The following RBFOX1 variants were observed in gnomAD, a reference collection of about 807,000 sequenced individuals.
RBFOX1 encodes the protein RNA binding fox-1 homolog 1.
In RBFOX1, 8 loss-of-function variants were observed where a neutral mutation model predicts 57.7. That is an observed-to-expected ratio of 0.14 (90% confidence interval 0.08 to 0.25). The LOEUF (loss-of-function observed/expected upper bound fraction) is 0.25, where lower values mean the gene tolerates loss of function less well. RBFOX1 is among the 10% of genes least tolerant of loss of function. The pLI, the probability that RBFOX1 is intolerant of heterozygous loss-of-function variation, is 1.00. For missense variants in RBFOX1, 611 were observed against 548.5 expected, an observed-to-expected ratio of 1.11 and a Z score of -1.14; for synonymous variants, 326 against 222.4, an observed-to-expected ratio of 1.47 and a Z score of -4.15.
chr16:7,400,619 A>T (rs749800218), intron 4 of RBFOX1, among the ~76,000 whole-genome samples: 7 of 152,198 alleles, frequency 4.6e-5, no homozygotes, highest in Non-Finnish European at 1.0e-4. Context: ...TATTGCTCCT[A>T]ACCCCTTCCT....
intron 3 of RBFOX1, among the ~76,000 whole-genome samples, chr16:7,047,279 C>G (rs936046815): frequency 4.6e-5 from 7 of 152,096 alleles, no homozygotes; most frequent in Non-Finnish European, 7.3e-5. Context: ...TCATATTTCA[C>G]CTTCATTTCT....
At chr16:7,044,614 C>G (rs547520611) in intron 3 of RBFOX1, among the ~76,000 whole-genome samples, 1 of 152,120 alleles carries the variant, frequency 6.6e-6, no homozygotes, top group Non-Finnish European at 1.5e-5. Context: ...CTGGAAGCAT[C>G]TTAAAGGAAC....
At chr16:5,455,029 C>CTCTCTCTCTCTG (rs1260344025) in intron 1 of RBFOX1, among the ~76,000 whole-genome samples, 1 of 90,022 alleles carries the variant, frequency 1.1e-5, no homozygotes, top group African/African-American at 4.2e-5. Flanking sequence ...CTTTCTCTCT[C>CTCTCTCTCTCTG]TCTGTCTGTC....
At chr16:6,424,260 C>T (rs1230883372) in intron 2 of RBFOX1, among the ~76,000 whole-genome samples, 1 of 152,100 alleles carries the variant, frequency 6.6e-6, no homozygotes, top group African/African-American at 2.4e-5. Context: ...AACAAATGAA[C>T]AAACAAACAA....
At chr16:5,240,887 G>A (rs572059026) in intron 1 of RBFOX1, among the ~76,000 whole-genome samples, 17 of 152,306 alleles carry the variant, frequency 1.1e-4, no homozygotes, top group African/African-American at 3.6e-4. Flanking sequence ...GCCTTCCACT[G>A]GGGAGGCACG....
chr16:6,535,530 A>G (rs779243143), intron 2 of RBFOX1, among the ~76,000 whole-genome samples: 53 of 152,220 alleles, frequency 3.5e-4, no homozygotes, highest in Non-Finnish European at 6.3e-4. Flanking sequence ...GTTTGTTCAC[A>G]TGTCAGGTTT....
In RBFOX1 at chr16:5,897,016, C is replaced by CTTTTTTTTTTTT. The variant is rs575235024; in HGVS notation, c.351+29700_351+29711dup. On this transcript the variant is annotated intron_variant, in intron 4 of 19. Transcript: ENST00000641259. ...CCCCCACTAAAAATGTATCCATCCG[C>CTTTTTTTTTTTT]TTTTTTTTTTTTTTTTTTTTTTTTT... Among the ~76,000 whole-genome samples the CTTTTTTTTTTTT allele has an allele frequency of 1.9e-3, 106 of 56,466 alleles. 18 individuals carry two copies. Among genetic ancestry groups the CTTTTTTTTTTTT allele is most frequent in the African/African-American group, 4.0e-3 (52 of 13,012 alleles). 37.0% of individuals were successfully genotyped at this position (56,466 alleles called of 152,430 possible). A position where few individuals can be genotyped will look rare whatever the true frequency, so the allele number is the denominator to read the frequency against.
intron 4 of RBFOX1, among the ~76,000 whole-genome samples, chr16:7,294,379 G>T (rs1873973632): frequency 6.6e-6 from 1 of 152,082 alleles, no homozygotes; most frequent in South Asian, 2.1e-4. Flanking sequence ...GAAGTTACTT[G>T]CTTGCTCTGG....
intron 5 of RBFOX1, among the ~76,000 whole-genome samples, chr16:7,572,754 G>A (rs941852128): frequency 1.6e-4 from 25 of 152,030 alleles, no homozygotes; most frequent in African/African-American, 6.0e-4. Flanking sequence ...CAGGAGAATG[G>A]CGTGAACCCA....
chr16:6,146,446 T>C (rs1331634573), intron 1 of RBFOX1, among the ~76,000 whole-genome samples: 4 of 152,172 alleles, frequency 2.6e-5, no homozygotes, highest in Admixed American at 6.5e-5. Context: ...GGAGCTGTCC[T>C]GTACATTGTA....
intron 9 of RBFOX1, among the ~76,000 whole-genome samples, chr16:7,603,240 C>CA (rs888357776): frequency 7.3e-5 from 11 of 150,724 alleles, no homozygotes; most frequent in South Asian, 4.2e-4. Flanking sequence ...TAATCAGAGC[C>CA]AAAAAAAAAT....
At chr16:5,274,976 T>C (rs966538693) in intron 1 of RBFOX1, among the ~76,000 whole-genome samples, 2 of 152,226 alleles carry the variant, frequency 1.3e-5, no homozygotes, top group Non-Finnish European at 2.9e-5. Flanking sequence ...AGACCGGAGA[T>C]AGCTGATGCG....
At chr16:5,475,528 A>G (rs945135347) in intron 2 of RBFOX1, among the ~76,000 whole-genome samples, 8 of 152,230 alleles carry the variant, frequency 5.3e-5, no homozygotes, top group Non-Finnish European at 1.2e-4. Flanking sequence ...TGGGACCTTC[A>G]GAGCCAGCTA....
At chr16:7,580,707 A>G (rs938017375) in intron 6 of RBFOX1, among the ~76,000 whole-genome samples, 2 of 152,176 alleles carry the variant, frequency 1.3e-5, no homozygotes, top group Non-Finnish European at 2.9e-5. Context: ...TTCACTATCC[A>G]CTTTGGGAAG....
At chr16:5,779,190 C>T (rs4597332) in intron 3 of RBFOX1, among the ~76,000 whole-genome samples, 4 of 151,668 alleles carry the variant, frequency 2.6e-5, no homozygotes, top group Non-Finnish European at 5.9e-5. Flanking sequence ...GTCAGCTTTC[C>T]TTCCCCCCTC....
intron 4 of RBFOX1, among the ~76,000 whole-genome samples, chr16:5,907,077 G>T (rs1356418363): frequency 6.6e-6 from 1 of 152,076 alleles, no homozygotes; most frequent in Non-Finnish European, 1.5e-5. Context: ...CTCCTCAGAG[G>T]CTTTAGGGAG....
chr16:6,894,072 T>C (rs1471386420), intron 3 of RBFOX1, among the ~76,000 whole-genome samples: 7 of 152,106 alleles, frequency 4.6e-5, no homozygotes, highest in Admixed American at 4.6e-4. Flanking sequence ...GATCAATAGA[T>C]AGATACTGGA....
At chr16:7,192,495 C>T (rs2085659281) in intron 4 of RBFOX1, among the ~76,000 whole-genome samples, 1 of 152,144 alleles carries the variant, frequency 6.6e-6, no homozygotes. Flanking sequence ...AAGCACTCTT[C>T]ACTTTGAATA....
chr16:6,294,496 T>C (rs534232473), intron 1 of RBFOX1, among the ~76,000 whole-genome samples: 1 of 152,356 alleles, frequency 6.6e-6, no homozygotes, highest in East Asian at 1.9e-4. Context: ...GTCTGTGATT[T>C]AGACCAAACA....
Sources: allele counts gnomAD v4.1 joint callset (sites outside exome capture counted in the v4.1 genomes callset), GRCh38; gene constraint gnomAD v4.1.1; transcripts MANE v1.5; gene names NCBI Gene and HGNC (gene_info 2026-07-23, HGNC 2026-07-21).